NOX3: variants seen among roughly 807,000 people sequenced by gnomAD.
The protein encoded by NOX3 is NADPH oxidase catalytic subunit-like 3.
In NOX3, 74 loss-of-function variants were observed where a neutral mutation model predicts 76.7. The ratio of observed to expected loss-of-function variants is 0.96; its 90% CI spans 0.80 to 1.17. The LOEUF (loss-of-function observed/expected upper bound fraction) is 1.17. NOX3 is among the 50% of genes most tolerant of loss of function. The pLI, the probability that NOX3 is intolerant of heterozygous loss-of-function variation, is 0.00. For synonymous variants in NOX3, 263 were observed against 261.1 expected (o/e 1.01, Z -0.07); for missense variants, 695 against 703.3 (o/e 0.99, Z 0.13).
intron 8 of NOX3, among the ~76,000 whole-genome samples, 158 bp downstream of exon 8, chr6:155,430,685 C>A (rs1340079234): frequency 6.6e-6 from 1 of 151,932 alleles, no homozygotes; most frequent in Non-Finnish European, 1.5e-5. Flanking sequence ...ATTAGTCACA[C>A]TAAAAGATGC....
chr6:155,436,120 G>T (rs1277412276), intron 7 of NOX3, among the ~76,000 whole-genome samples: 2 of 152,170 alleles, frequency 1.3e-5, no homozygotes, highest in South Asian at 2.1e-4. Context: ...ACAAAGAAGG[G>T]TGGTGAGGCC....
chr6:155,407,372 GCAATGCTTATCACTATTTGCAGATGTCTC>G (rs1776478790), intron 11 of NOX3, 118 bp from the exon 12 acceptor site: 9 of 947,478 alleles, frequency 9.5e-6, no homozygotes, highest in South Asian at 3.5e-5. Context: ...TACAGGGCTG[GCAATGCTTATCACTATTTGCAGATGTCTC>G]CAATGCTGCA....
At chr6:155,434,401 T>C (rs1262059032) in intron 7 of NOX3, among the ~76,000 whole-genome samples, 2 of 152,192 alleles carry the variant, frequency 1.3e-5, no homozygotes, top group African/African-American at 4.8e-5. Context: ...TCTGGAGTCC[T>C]GTATTTGTCA....
intron 4 of NOX3, among the ~76,000 whole-genome samples, chr6:155,448,386 G>C (rs188558506): frequency 2.6e-5 from 4 of 152,230 alleles, no homozygotes; most frequent in African/African-American, 9.6e-5. Context: ...GCTATGCGGG[G>C]GAGCTCTTCC....
chr6:155,443,493 T>C, intron 4 of NOX3, 75 bp from the exon 5 acceptor site: 1 of 1,513,394 alleles, frequency 6.6e-7, no homozygotes, highest in Non-Finnish European at 8.9e-7. Context: ...ATACAGTGTC[T>C]CTGTGCTCAA....
intron 11 of NOX3, among the ~76,000 whole-genome samples, chr6:155,410,418 TA>T (rs1401298925): frequency 6.6e-6 from 1 of 152,146 alleles, no homozygotes. Context: ...ACACTTTCCT[TA>T]AAAGTATATA....
intron 9 of NOX3, among the ~76,000 whole-genome samples, chr6:155,424,645 A>G (rs1210808316): frequency 2.0e-5 from 3 of 152,226 alleles, no homozygotes; most frequent in African/African-American, 7.2e-5. Context: ...TCCTCAAGTT[A>G]ATCTTAATTA....
At chr6:155,441,467 G>A (rs1201007403) in intron 5 of NOX3, among the ~76,000 whole-genome samples, 1 of 152,028 alleles carries the variant, frequency 6.6e-6, no homozygotes, top group Non-Finnish European at 1.5e-5. Context: ...AAGGCAAATC[G>A]CCATGTCTCT....
At position 155,428,873 on chromosome 6, in the gene NOX3, C is replaced by T; in HGVS notation, c.1066G>A (p.Ala356Thr). The T allele has an allele frequency of 6.2e-7, 1 of 1,612,314 alleles. No homozygotes were observed. Residue 356 changes from alanine (A) to threonine (T), a missense_variant, in exon 9 of 14, where the codon GCA becomes ACA. Coordinates refer to ENST00000159060, the MANE Select transcript of NOX3 (RefSeq NM_015718.3). ...EDFFSVHIRA[A>T]GDWTAALLEA... ...AGTAGCGCTGCTGTCCAGTCTCCTG[C>T]TGCCCGGATGTGCACGCTGAAAAAG...
intron 4 of NOX3, among the ~76,000 whole-genome samples, chr6:155,453,044 C>T (rs576887194): frequency 2.2e-4 from 33 of 152,178 alleles, no homozygotes; most frequent in South Asian, 2.1e-3. Flanking sequence ...CATTTTCCTA[C>T]GACTGTGAAT....
At chr6:155,408,694 A>G (rs1448164146) in intron 11 of NOX3, among the ~76,000 whole-genome samples, 2 of 152,178 alleles carry the variant, frequency 1.3e-5, no homozygotes, top group African/African-American at 2.4e-5. Flanking sequence ...AAAATCATGG[A>G]ACTAACCTGA....
chr6:155,422,453 T>A lies in NOX3; in HGVS notation c.1308+241A>T, dbSNP rs11751511. On this transcript the variant is annotated intron_variant, in intron 10 of 13. Transcript: ENST00000159060. ...TATTTTACTGAGATGAGCAATTACATGTCCTGTAATGGCAATGAAGCAATA... is the reference window on the plus strand; with the variant it reads ...TATTTTACTGAGATGAGCAATTACAAGTCCTGTAATGGCAATGAAGCAATA... Among the ~76,000 whole-genome samples the A allele has an allele frequency of 3.0e-3, 458 of 152,322 alleles. 1 individual carries two copies. The highest frequency in any genetic ancestry group is 9.1e-4 in the Non-Finnish European group (62 of 68,032).
chr6:155,426,862 G>A (rs1776760746), intron 9 of NOX3, among the ~76,000 whole-genome samples: 1 of 152,080 alleles, frequency 6.6e-6, no homozygotes, highest in Non-Finnish European at 1.5e-5. Context: ...GGGAAGGGTG[G>A]TTGATAGAAC....
chr6:155,404,159 CA>C (rs1462390966), intron 12 of NOX3, among the ~76,000 whole-genome samples: 1 of 149,976 alleles, frequency 6.7e-6, no homozygotes, highest in African/African-American at 2.5e-5. Flanking sequence ...AAAATAGCAA[CA>C]AAAACCCCTT....
At position 155,455,830 on chromosome 6, in the gene NOX3, A is replaced by G. The variant is rs773722779; in HGVS notation, c.-30T>C. On this transcript the variant is annotated 5_prime_UTR_variant, in exon 1 of 14. Transcript: ENST00000159060. ...CTTGTTGCTCTTCGGCTGTCAGGAA[A>G]TTTCTTCTCCCTCACCTGTGTCTGG... 3.1e-6 allele frequency: 5 copies of G among 1,609,112 alleles called. No homozygotes were observed. The South Asian group carries it at 3.3e-5, about 11-fold the overall frequency.
intron 4 of NOX3, among the ~76,000 whole-genome samples, chr6:155,444,717 A>G (rs970308677): frequency 6.6e-6 from 1 of 152,222 alleles, no homozygotes; most frequent in Non-Finnish European, 1.5e-5. Flanking sequence ...TGAAAAAAGC[A>G]TTACATTTGT....
In NOX3 at chr6:155,440,199, A is replaced by G. The variant is rs932571111; in HGVS notation, c.487-62T>C. On this transcript the variant is annotated intron_variant, in intron 5 of 13. Transcript: ENST00000159060. ...AAAAAAAAACACCTTGACATTAAAT[A>G]TCCTGGCATATTTTTTTTTTTCATT... 6.0e-6 allele frequency: 8 copies of G among 1,333,860 alleles called. No individual in the cohort carries two copies. The African/African-American group carries it at 1.2e-4, about 20-fold the overall frequency. The allele number at this position is 1,333,860 out of a possible 1,614,324, so 82.6% of individuals were successfully genotyped here.
intron 5 of NOX3, among the ~76,000 whole-genome samples, chr6:155,441,683 A>G (rs1776987534): frequency 6.6e-6 from 1 of 152,240 alleles, no homozygotes; most frequent in Non-Finnish European, 1.5e-5. Flanking sequence ...CTGCATTGGT[A>G]GTAGCTTTAT....
At chr6:155,413,789 T>C (rs1776586695) in intron 10 of NOX3, among the ~76,000 whole-genome samples, 2 of 152,250 alleles carry the variant, frequency 1.3e-5, no homozygotes, top group South Asian at 2.1e-4. Context: ...AGAGCAAATA[T>C]CATTGATTTA....
Sources: allele counts gnomAD v4.1 joint callset (sites outside exome capture counted in the v4.1 genomes callset), GRCh38; gene constraint gnomAD v4.1.1; transcripts MANE v1.5; gene names NCBI Gene and HGNC (gene_info 2026-07-23, HGNC 2026-07-21).